CNTN5: variants seen among roughly 807,000 people sequenced by gnomAD.
The protein encoded by CNTN5 is contactin 5.
CNTN5 carries 77 observed loss-of-function variants against 129.1 expected under a neutral mutation model. The ratio of observed to expected loss-of-function variants is 0.60; its 90% CI spans 0.50 to 0.72. CNTN5 has a LOEUF of 0.72. CNTN5 is among the 30% of genes least tolerant of loss of function. The pLI, the probability that CNTN5 is intolerant of heterozygous loss-of-function variation, is 0.00. For missense variants in CNTN5, 1,478 were observed against 1,328.8 expected, an observed-to-expected ratio of 1.11 and a Z score of -1.75; for synonymous variants, 509 against 465.6, an observed-to-expected ratio of 1.09 and a Z score of -1.20.
chr11:99,046,767 T>C (rs1864228091), intron 1 of CNTN5, among the ~76,000 whole-genome samples: 1 of 152,126 alleles, frequency 6.6e-6, no homozygotes, highest in South Asian at 2.1e-4. Context: ...GTCTTACTAA[T>C]AATGCAATAT....
At chr11:100,082,916 GA>G (rs1266204078) in intron 13 of CNTN5, among the ~76,000 whole-genome samples, 5 of 152,054 alleles carry the variant, frequency 3.3e-5, no homozygotes, top group Non-Finnish European at 7.4e-5. Context: ...GGCCATACAG[GA>G]AGTGGGATGC....
chr11:99,740,008 G>A (rs1943838506), intron 3 of CNTN5, among the ~76,000 whole-genome samples: 1 of 151,884 alleles, frequency 6.6e-6, no homozygotes. Flanking sequence ...CCCACACTTG[G>A]TGATAAATCT....
rs865875873 is a variant in CNTN5, at chr11:99,996,949, T to A, written c.878-5085T>A. Among the ~76,000 whole-genome samples the A allele has an allele frequency of 5.3e-5, 8 of 152,228 alleles. No individual in the cohort carries two copies. In the Middle Eastern group the frequency reaches 0.01, roughly 194 times the overall value. ...CCTTTGGCATGTGGGGATTACCATT[T>A]CAGATGAGATTTTGGTGGGGACACA... On this transcript the variant is annotated intron_variant, in intron 8 of 24. Transcript: ENST00000524871.
intron 1 of CNTN5, among the ~76,000 whole-genome samples, chr11:99,285,506 T>C (rs978272065): frequency 1.3e-5 from 2 of 150,596 alleles, no homozygotes; most frequent in Non-Finnish European, 3.0e-5. Context: ...TTTTTTAAAA[T>C]GGAAGATTCA....
At chr11:99,666,533 A>G (rs1045805045) in intron 3 of CNTN5, among the ~76,000 whole-genome samples, 1 of 152,200 alleles carries the variant, frequency 6.6e-6, no homozygotes, top group African/African-American at 2.4e-5. Context: ...CCAAGAGTAG[A>G]TTAAAAGGCA....
In CNTN5 at chr11:100,165,551, A is replaced by T. The variant is rs973852497; in HGVS notation, c.1581-25575A>T. ...GGAAGTATTTTTAGGTTTCTTAGTA[A>T]GAAAGTTCCAATAAAGCTCTTCAAA... On this transcript the variant is annotated intron_variant, in intron 13 of 24. Coordinates refer to ENST00000524871, the MANE Select transcript of CNTN5 (RefSeq NM_014361.4). 4.6e-5 allele frequency among the ~76,000 whole-genome samples: 7 copies of T among 151,956 alleles called. No individual in the cohort carries two copies. In the East Asian group the frequency reaches 1.4e-3, roughly 30 times the overall value.
intron 16 of CNTN5, among the ~76,000 whole-genome samples, chr11:100,238,563 A>T (rs1274448667): frequency 1.3e-5 from 2 of 151,644 alleles, no homozygotes; most frequent in Non-Finnish European, 2.9e-5. Flanking sequence ...GAAGAAGAGG[A>T]GGAGGAAGAA....
At chr11:99,710,934 A>C (rs1236700892) in intron 3 of CNTN5, among the ~76,000 whole-genome samples, 1 of 151,968 alleles carries the variant, frequency 6.6e-6, no homozygotes, top group East Asian at 1.9e-4. Flanking sequence ...CGCAAAATGC[A>C]GAATGCCCAA....
intron 4 of CNTN5, among the ~76,000 whole-genome samples, chr11:99,821,523 T>C (rs1452351131): frequency 6.7e-6 from 1 of 149,976 alleles, no homozygotes; most frequent in Non-Finnish European, 1.5e-5. Context: ...GATTAGACAA[T>C]TTTTTTTTTC....
intron 6 of CNTN5, among the ~76,000 whole-genome samples, chr11:99,859,129 G>A (rs1363817938): frequency 2.0e-5 from 3 of 152,116 alleles, no homozygotes; most frequent in Non-Finnish European, 2.9e-5. Flanking sequence ...CCTAATGTTT[G>A]TAGATGTTAT....
chr11:99,118,771 A>G (rs866154816), intron 1 of CNTN5, among the ~76,000 whole-genome samples: 2 of 152,098 alleles, frequency 1.3e-5, no homozygotes, highest in South Asian at 4.1e-4. Flanking sequence ...ATCATTCTTA[A>G]AAGTTTGAAT....
At chr11:99,677,911 C>T (rs145122447) in intron 3 of CNTN5, among the ~76,000 whole-genome samples, 180 of 152,076 alleles carry the variant, frequency 1.2e-3, no homozygotes, top group African/African-American at 3.9e-3. Context: ...TTTTCATTAC[C>T]GCTTTTGCCC....
intron 8 of CNTN5, among the ~76,000 whole-genome samples, chr11:99,960,321 C>A (rs1378905061): frequency 2.6e-5 from 4 of 151,662 alleles, no homozygotes; most frequent in African/African-American, 9.7e-5. Flanking sequence ...TCATTTTATT[C>A]CTCCTTTTTC....
At chr11:99,419,444 G>C (rs746446088) in intron 2 of CNTN5, among the ~76,000 whole-genome samples, 3 of 152,166 alleles carry the variant, frequency 2.0e-5, no homozygotes, top group Non-Finnish European at 4.4e-5. Flanking sequence ...TCTGGGTTAA[G>C]TGGTTGCTTC....
chr11:99,817,686 C>T (rs992335604), intron 3 of CNTN5, among the ~76,000 whole-genome samples: 3 of 135,266 alleles, frequency 2.2e-5, no homozygotes, highest in African/African-American at 5.5e-5. Context: ...GAAATGAATA[C>T]GTTCAGAAAC....
intron 8 of CNTN5, among the ~76,000 whole-genome samples, chr11:99,972,016 G>A (rs1460334242): frequency 2.7e-5 from 4 of 148,166 alleles, no homozygotes; most frequent in African/African-American, 1.0e-4. Context: ...TTGGGAGGCT[G>A]AGGCAGGTGG....
intron 2 of CNTN5, among the ~76,000 whole-genome samples, chr11:99,514,860 G>A (rs78317895): frequency 0.04 from 6,124 of 151,990 alleles, 165 homozygotes; most frequent in South Asian, 0.08. Context: ...CCTATATATG[G>A]AAAGATAAAC....
At chr11:100,257,992 G>A (rs1387304641) in intron 17 of CNTN5, among the ~76,000 whole-genome samples, 1 of 152,008 alleles carries the variant, frequency 6.6e-6, no homozygotes, top group South Asian at 2.1e-4. Context: ...ACTCCTCCAA[G>A]CTAAAGGAGC....
At chr11:99,737,571 T>C (rs1467183812) in intron 3 of CNTN5, among the ~76,000 whole-genome samples, 1 of 152,158 alleles carries the variant, frequency 6.6e-6, no homozygotes, top group Non-Finnish European at 1.5e-5. Flanking sequence ...TTCTGAAACA[T>C]AGGGAAAGCA....
Sources: gnomAD v4.1 joint callset for allele counts (sites outside exome capture counted in the v4.1 genomes callset) on GRCh38, gnomAD v4.1.1 for gene constraint, MANE v1.5 for transcripts, NCBI Gene and HGNC (gene_info 2026-07-23, HGNC 2026-07-21) for gene names.